WWOX: variants seen among roughly 807,000 people sequenced by gnomAD.
WWOX encodes WW domain containing oxidoreductase.
In WWOX, 69 loss-of-function variants were observed where a neutral mutation model predicts 46.2. That is an observed-to-expected ratio of 1.49 (90% CI 1.23 to 1.82). WWOX has a LOEUF of 1.82. Among genes scored for constraint, WWOX ranks in the 40% most tolerant of loss-of-function variants. The probability of loss-of-function intolerance (pLI) is 0.00; values close to 1 mark genes in which losing one functional copy is unlikely to be tolerated. For synonymous variants in WWOX, 359 were observed against 202.6 expected (o/e 1.77, Z -6.56); for missense variants, 919 against 542.6 (o/e 1.69, Z -6.89).
intron 8 of WWOX, among the ~76,000 whole-genome samples, chr16:78,985,429 G>T (rs966008530): frequency 2.0e-5 from 3 of 152,036 alleles, no homozygotes; most frequent in African/African-American, 7.3e-5. Flanking sequence ...CACATCTCTG[G>T]CTAGTACAGA....
chr16:78,973,201 C>T (rs1184904670), intron 8 of WWOX, among the ~76,000 whole-genome samples: 1 of 152,138 alleles, frequency 6.6e-6, no homozygotes, highest in Non-Finnish European at 1.5e-5. Flanking sequence ...AAGATAAAGG[C>T]CCTTATTACA....
intron 8 of WWOX, among the ~76,000 whole-genome samples, chr16:78,536,983 C>G (rs779263131): frequency 6.8e-6 from 1 of 146,966 alleles, no homozygotes; most frequent in Non-Finnish European, 1.5e-5. Context: ...GTGGCACAAT[C>G]TCAACTGACT....
chr16:78,940,790 T>C (rs963306359), intron 8 of WWOX, among the ~76,000 whole-genome samples: 4 of 151,934 alleles, frequency 2.6e-5, no homozygotes, highest in Non-Finnish European at 4.4e-5. Flanking sequence ...CTTATTGTCC[T>C]CTTATCCTGG....
intron 8 of WWOX, among the ~76,000 whole-genome samples, chr16:78,573,203 G>A (rs540246645): frequency 2.6e-5 from 4 of 152,094 alleles, no homozygotes; most frequent in African/African-American, 4.8e-5. Context: ...GGAGAATGGC[G>A]TGAACCCAGG....
Position 78,930,381 on chromosome 16 carries a change from G to A in WWOX, c.1057-281227G>A, listed in dbSNP as rs377066096. Among the ~76,000 whole-genome samples the A allele has an allele frequency of 5.7e-3, 852 of 149,320 alleles. 11 individuals are homozygous for A. The highest frequency in any genetic ancestry group is 0.019 in the African/African-American group (777 of 40,480). On this transcript the variant is annotated intron_variant, in intron 8 of 8. Coordinates refer to ENST00000566780, the MANE Select transcript of WWOX (RefSeq NM_016373.4). ...CAGCCTCAACCTCCTGGGCTCAGGC[G>A]ATCCTCACACCTTAGCCTCCTGAGT...
intron 8 of WWOX, among the ~76,000 whole-genome samples, chr16:78,864,448 T>C (rs968250152): frequency 7.9e-5 from 12 of 151,832 alleles, no homozygotes; most frequent in African/African-American, 1.2e-4. Flanking sequence ...TTGTATTTTT[T>C]TGTAGAGGCA....
Position 78,727,038 on chromosome 16 carries a change from C to G in WWOX, c.1056+294286C>G, listed in dbSNP as rs959213733. On this transcript the variant is annotated intron_variant, in intron 8 of 8. Coordinates refer to ENST00000566780, the MANE Select transcript of WWOX (RefSeq NM_016373.4). ...CTTCCGTGGTGTAAGTTGCCTTATT[C>G]CAGCACGTGGCATCGCCAGTCCCAG... Among the ~76,000 whole-genome samples, 34 of 152,182 alleles carry G rather than the reference C, an allele frequency of 2.2e-4. 1 individual carries two copies. Among genetic ancestry groups the G allele is most frequent in the Admixed American group, 2.0e-3 (30 of 15,282 alleles).
intron 8 of WWOX, among the ~76,000 whole-genome samples, chr16:79,058,121 CAAACAAACA>C (rs2048297401): frequency 3.4e-5 from 1 of 29,672 alleles, no homozygotes; most frequent in African/African-American, 2.4e-4. Flanking sequence ...AAAAAAAAAA[CAAACAAACA>C]AAAAAAAAAA....
At chr16:79,190,857 A>G (rs1369916343) in intron 8 of WWOX, among the ~76,000 whole-genome samples, 6 of 152,236 alleles carry the variant, frequency 3.9e-5, no homozygotes, top group African/African-American at 7.2e-5. Flanking sequence ...AATATTTACT[A>G]TCTGCCCTTT....
chr16:78,530,810 G>C (rs1185219456), intron 8 of WWOX, among the ~76,000 whole-genome samples: 1 of 152,176 alleles, frequency 6.6e-6, no homozygotes, highest in African/African-American at 2.4e-5. Flanking sequence ...TCTAGCTGCT[G>C]CTAGAGATAG....
At chr16:78,199,300 G>A (rs1340598659) in intron 5 of WWOX, among the ~76,000 whole-genome samples, 3 of 148,208 alleles carry the variant, frequency 2.0e-5, no homozygotes, top group African/African-American at 5.1e-5. Flanking sequence ...GTGACAGAGC[G>A]AGACTCCATC....
chr16:78,110,088 T>A (rs2032402760), intron 3 of WWOX, among the ~76,000 whole-genome samples: 1 of 151,360 alleles, frequency 6.6e-6, no homozygotes, highest in Non-Finnish European at 1.5e-5. Flanking sequence ...ATGCCTGTAA[T>A]CCCAGCACTT....
At chr16:78,412,411 T>C (rs538369632) in intron 6 of WWOX, among the ~76,000 whole-genome samples, 19 of 152,220 alleles carry the variant, frequency 1.2e-4, no homozygotes, top group Admixed American at 2.6e-4. Flanking sequence ...GGAAAGAATA[T>C]AGTGGCTAGA....
intron 8 of WWOX, among the ~76,000 whole-genome samples, chr16:78,839,806 T>C (rs1271300159): frequency 6.6e-6 from 1 of 152,132 alleles, no homozygotes; most frequent in Non-Finnish European, 1.5e-5. Context: ...AGAACCCACC[T>C]CCTAAAACCG....
intron 8 of WWOX, among the ~76,000 whole-genome samples, chr16:79,031,942 A>G: frequency 7.0e-6 from 1 of 142,428 alleles, no homozygotes; most frequent in African/African-American, 2.5e-5. Context: ...CTGTATACAG[A>G]TATCTGTATA....
intron 8 of WWOX, among the ~76,000 whole-genome samples, chr16:78,633,277 A>G (rs2046484104): frequency 6.6e-6 from 1 of 152,142 alleles, no homozygotes; most frequent in Non-Finnish European, 1.5e-5. Context: ...AAAACAAAAC[A>G]AAAAAACAAG....
At chr16:79,111,139 C>G (rs751271143) in intron 8 of WWOX, among the ~76,000 whole-genome samples, 4 of 152,090 alleles carry the variant, frequency 2.6e-5, no homozygotes, top group African/African-American at 7.2e-5. Flanking sequence ...ATAAAAATGC[C>G]AAGTCATGTA....
At chr16:79,104,471 A>G (rs1444910277) in intron 8 of WWOX, among the ~76,000 whole-genome samples, 1 of 152,232 alleles carries the variant, frequency 6.6e-6, no homozygotes, top group Non-Finnish European at 1.5e-5. Flanking sequence ...TTTGTAAAAC[A>G]AATAATATTT....
chr16:78,934,859 G>T (rs1441824806), intron 8 of WWOX, among the ~76,000 whole-genome samples: 1 of 152,156 alleles, frequency 6.6e-6, no homozygotes. Flanking sequence ...CAGCACTTTG[G>T]GAGGCCAAGG....
Sources: allele counts gnomAD v4.1 joint callset (sites outside exome capture counted in the v4.1 genomes callset), GRCh38; gene constraint gnomAD v4.1.1; transcripts MANE v1.5; gene names NCBI Gene and HGNC (gene_info 2026-07-23, HGNC 2026-07-21).